RAB3GAP1: variants seen among roughly 807,000 people sequenced by gnomAD.
The protein encoded by RAB3GAP1 is rab3 GTPase-activating protein catalytic subunit.
In RAB3GAP1, 86 loss-of-function variants were observed where a neutral mutation model predicts 130.7. That is an observed-to-expected ratio of 0.66 (90% CI 0.55 to 0.79). The LOEUF is 0.79. RAB3GAP1 is among the 30% of genes least tolerant of loss of function. The probability of loss-of-function intolerance (pLI) is 0.00; values close to 1 mark genes in which losing one functional copy is unlikely to be tolerated. For missense variants in RAB3GAP1, 1,029 were observed against 1,169.4 expected, an observed-to-expected ratio of 0.88 and a Z score of 1.75; for synonymous variants, 367 against 401.7, an observed-to-expected ratio of 0.91 and a Z score of 1.03.
At chr2:135,085,366 T>C (rs1342376261) in intron 3 of RAB3GAP1, among the ~76,000 whole-genome samples, 1 of 152,212 alleles carries the variant, frequency 6.6e-6, no homozygotes, top group Non-Finnish European at 1.5e-5. Context: ...TTACAGATTA[T>C]GGAAAGCTGT....
intron 8 of RAB3GAP1, 46 bp from the exon 9 acceptor site, chr2:135,124,116 CTCT>C (rs1207836197): frequency 1.3e-6 from 2 of 1,532,918 alleles, no homozygotes; most frequent in Admixed American, 3.3e-5. Flanking sequence ...CTAGATTAGA[CTCT>C]TCTTTATTTT....
chr2:135,154,423 C>G (rs1192458619), intron 19 of RAB3GAP1, among the ~76,000 whole-genome samples: 1 of 152,126 alleles, frequency 6.6e-6, no homozygotes, highest in Admixed American at 6.5e-5. Flanking sequence ...CTCCACCCCC[C>G]CAAGAAAATC....
At chr2:135,101,083 A>T (rs1257898299) in intron 5 of RAB3GAP1, among the ~76,000 whole-genome samples, 1 of 152,234 alleles carries the variant, frequency 6.6e-6, no homozygotes, top group Non-Finnish European at 1.5e-5. Context: ...TGGGTATAGC[A>T]GTAGAGGGTT....
In RAB3GAP1 at chr2:135,169,835, AT is replaced by A. The variant is rs1313875014; in HGVS notation, c.*1055del. 2.3e-6 allele frequency: 1 copy of A among 443,602 alleles called. No homozygotes were observed. The highest frequency in any genetic ancestry group is 4.5e-6 in the Non-Finnish European group (1 of 220,100). The allele number at this position is 443,602 out of a possible 1,614,324, so 27.5% of individuals were successfully genotyped here. ...AGATGTCTTGTGTCTGTGTGGCTAG[AT>A]GGCCTCTGCTTGGTAATCTTATTTT... On this transcript the variant is annotated 3_prime_UTR_variant, in exon 24 of 24. Transcript: ENST00000264158.
At chr2:135,077,567 T>C (rs1396380248) in intron 3 of RAB3GAP1, among the ~76,000 whole-genome samples, 1 of 152,164 alleles carries the variant, frequency 6.6e-6, no homozygotes, top group Non-Finnish European at 1.5e-5. Context: ...TCACCTCTTT[T>C]GGGTATACAA....
At chr2:135,105,841 G>A (rs1391259117) in intron 5 of RAB3GAP1, among the ~76,000 whole-genome samples, 3 of 149,282 alleles carry the variant, frequency 2.0e-5, no homozygotes, top group Admixed American at 6.7e-5. Flanking sequence ...CCTCTGCCCC[G>A]CCGCCCCGTC....
chr2:135,130,594 C>T lies in RAB3GAP1; in HGVS notation c.1109C>T (p.Pro370Leu). The T allele has an allele frequency of 1.9e-6, 3 of 1,613,560 alleles. No homozygotes were observed. Among genetic ancestry groups the T allele is most frequent in the South Asian group, 1.1e-5 (1 of 91,016 alleles). ...CATGCTTTGTCAAAATTGACAGAGCCGGCATCAGTTCCAATTCATAAATTA... is the reference window on the plus strand; with the variant it reads ...CATGCTTTGTCAAAATTGACAGAGCTGGCATCAGTTCCAATTCATAAATTA... ...ITHALSKLTE[P>L]ASVPIHKLSV... Residue 370 changes from proline to leucine, a missense_variant, in exon 13 of 24, where the codon CCG becomes CTG. Coordinates refer to ENST00000264158, the MANE Select transcript of RAB3GAP1 (RefSeq NM_012233.3).
intron 5 of RAB3GAP1, among the ~76,000 whole-genome samples, chr2:135,098,032 A>C (rs1310900862): frequency 1.3e-5 from 2 of 152,218 alleles, no homozygotes; most frequent in Admixed American, 1.3e-4. Flanking sequence ...CATCCTTACC[A>C]GCACTTGGTA....
chr2:135,097,246 T>G (rs1264039060), intron 5 of RAB3GAP1, among the ~76,000 whole-genome samples: 1 of 151,346 alleles, frequency 6.6e-6, no homozygotes, highest in Non-Finnish European at 1.5e-5. Flanking sequence ...GAGACAGGTC[T>G]TACTCTGTCA....
intron 9 of RAB3GAP1, 66 bp from the exon 10 acceptor site, chr2:135,126,115 C>G: frequency 8.5e-7 from 1 of 1,183,204 alleles, no homozygotes; most frequent in Non-Finnish European, 1.3e-6. Flanking sequence ...GTATAGTTTT[C>G]TAGAAGTATT....
chr2:135,166,652 C>T (rs1573619351), intron 23 of RAB3GAP1, among the ~76,000 whole-genome samples: 1 of 151,960 alleles, frequency 6.6e-6, no homozygotes, highest in East Asian at 1.9e-4. Context: ...CACACCTGGC[C>T]TAGAAAATTA....
downstream of RAB3GAP1, among the ~76,000 whole-genome samples, chr2:135,174,771 T>C (rs541057560): frequency 6.6e-6 from 1 of 152,284 alleles, no homozygotes; most frequent in South Asian, 2.1e-4. Context: ...ATTTTTAGAG[T>C]GTGAATTTCC....
intron 3 of RAB3GAP1, among the ~76,000 whole-genome samples, chr2:135,061,003 C>CT (rs369829961): frequency 0.46 from 60,240 of 131,002 alleles, 16,309 homozygotes; most frequent in African/African-American, 0.69. Flanking sequence ...TGGGCCCAGC[C>CT]TTTTTTTTTT....
chr2:135,147,201 C>T (rs1237222407), intron 17 of RAB3GAP1, among the ~76,000 whole-genome samples: 1 of 151,964 alleles, frequency 6.6e-6, no homozygotes, highest in Non-Finnish European at 1.5e-5. Flanking sequence ...CAAAAATTAG[C>T]TGGGCATGGT....
At chr2:135,082,721 G>A (rs1313855062) in intron 3 of RAB3GAP1, among the ~76,000 whole-genome samples, 1 of 151,972 alleles carries the variant, frequency 6.6e-6, no homozygotes, top group East Asian at 1.9e-4. Context: ...AATTACAGGC[G>A]CGAGCCACCG....
chr2:135,165,448 G>A (rs1381344176), intron 23 of RAB3GAP1, among the ~76,000 whole-genome samples: 2 of 152,162 alleles, frequency 1.3e-5, no homozygotes, highest in African/African-American at 4.8e-5. Flanking sequence ...TTTTGAGAGT[G>A]TAATTTTCAG....
chr2:135,149,927 G>T (rs1692125249), intron 17 of RAB3GAP1, among the ~76,000 whole-genome samples: 1 of 152,152 alleles, frequency 6.6e-6, no homozygotes. Context: ...AAAGTGCTGG[G>T]ATTACAGGCA....
At chr2:135,098,621 G>C (rs1690366188) in intron 5 of RAB3GAP1, among the ~76,000 whole-genome samples, 1 of 152,178 alleles carries the variant, frequency 6.6e-6, no homozygotes, top group African/African-American at 2.4e-5. Context: ...GCTGGCAAAA[G>C]GGGTGGCAGT....
chr2:135,144,821 A>G (rs2104967777), intron 17 of RAB3GAP1, among the ~76,000 whole-genome samples: 1 of 152,312 alleles, frequency 6.6e-6, no homozygotes, highest in African/African-American at 2.4e-5. Flanking sequence ...TGTAAAGAAA[A>G]TGGTTCTTGT....
Sources: allele counts gnomAD v4.1 joint callset (sites outside exome capture counted in the v4.1 genomes callset), GRCh38; gene constraint gnomAD v4.1.1; transcripts MANE v1.5; gene names NCBI Gene and HGNC (gene_info 2026-07-23, HGNC 2026-07-21).